Variants in UMAD1 observed in about 807,000 individuals in gnomAD.
UMAD1 encodes the protein UBAP1-MVB12-associated (UMA)-domain containing protein 1.
UMAD1 carries 8 observed loss-of-function variants against 6.1 expected under a neutral mutation model. The ratio of observed to expected loss-of-function variants is 1.30; its 90% CI spans 0.76 to 2.35. The LOEUF (loss-of-function observed/expected upper bound fraction) is 2.35, where lower values mean the gene tolerates loss of function less well. Among genes scored for constraint, UMAD1 ranks in the 30% most tolerant of loss-of-function variants. UMAD1 has a pLI of 0.00. For missense variants in UMAD1, 130 were observed against 78.4 expected (o/e 1.66, Z -2.49); for synonymous variants, 56 against 31.4 (o/e 1.78, Z -2.61).
At position 7,716,738 on chromosome 7, in the gene UMAD1, G is replaced by T. The variant is rs181357511; in HGVS notation, c.82+43285G>T. 5.2e-3 allele frequency among the ~76,000 whole-genome samples: 793 copies of T among 152,340 alleles called. 4 individuals are homozygous for T. Among genetic ancestry groups the T allele is most frequent in the African/African-American group, 0.018 (752 of 41,580 alleles). ...AGGCAGGCGGATCACGAGGTCAGGA[G>T]ATCGAGACCATCCTGGCTAACACGG... is the stretch of plus-strand genomic sequence containing the variant. On this transcript the variant is annotated intron_variant, in intron 2 of 3. Coordinates refer to ENST00000682710, the MANE Select transcript of UMAD1 (RefSeq NM_001302348.2).
At chr7:7,704,772 A>C (rs1218169818) in intron 2 of UMAD1, among the ~76,000 whole-genome samples, 1 of 147,958 alleles carries the variant, frequency 6.8e-6, no homozygotes, top group Non-Finnish European at 1.5e-5. Context: ...ATCTCAAAAA[A>C]AAAAAAAAAA....
intron 2 of UMAD1, among the ~76,000 whole-genome samples, chr7:7,682,137 A>G (rs1459523148): frequency 6.6e-6 from 1 of 152,178 alleles, no homozygotes; most frequent in East Asian, 1.9e-4. Flanking sequence ...CATGGTTTTC[A>G]GAATATGCAG....
At chr7:7,779,162 T>C (rs1782289896) in intron 2 of UMAD1, among the ~76,000 whole-genome samples, 1 of 152,210 alleles carries the variant, frequency 6.6e-6, no homozygotes, top group Non-Finnish European at 1.5e-5. Context: ...CTGAAGTATT[T>C]TGAAGTGAGA....
intron 2 of UMAD1, among the ~76,000 whole-genome samples, chr7:7,725,351 G>A (rs1250397916): frequency 6.6e-6 from 1 of 152,154 alleles, no homozygotes; most frequent in Admixed American, 6.5e-5. Context: ...AAGCTGCTTT[G>A]CCACTTGGGC....
chr7:7,779,077 G>A (rs1448607431), intron 2 of UMAD1, among the ~76,000 whole-genome samples: 1 of 152,050 alleles, frequency 6.6e-6, no homozygotes, highest in Admixed American at 6.6e-5. Context: ...TGGTAGAAAT[G>A]CTACTTGCCA....
intron 3 of UMAD1, among the ~76,000 whole-genome samples, chr7:7,820,281 T>C (rs1161889919): frequency 6.6e-6 from 1 of 152,204 alleles, no homozygotes; most frequent in Non-Finnish European, 1.5e-5. Context: ...CGTATTTAAC[T>C]TAATTACCTA....
At chr7:7,650,005 A>C (rs982605976) in intron 1 of UMAD1, among the ~76,000 whole-genome samples, 1 of 152,218 alleles carries the variant, frequency 6.6e-6, no homozygotes. Flanking sequence ...GTGAGAAGTA[A>C]ATTTCTGTTT....
intron 2 of UMAD1, among the ~76,000 whole-genome samples, chr7:7,701,829 C>T (rs1436812009): frequency 6.6e-6 from 1 of 152,152 alleles, no homozygotes; most frequent in Non-Finnish European, 1.5e-5. Context: ...ACTGTCTGCC[C>T]TCTGAGGATG....
rs558455310 is a variant in UMAD1, at chr7:7,641,704, C to G, written c.-64+883C>G. 21 of 152,132 alleles carry G rather than the reference C, an allele frequency of 1.4e-4. 1 individual carries two copies. Among genetic ancestry groups the G allele is most frequent in the Non-Finnish European group, 4.4e-5 (3 of 68,032 alleles). The allele number at this position is 152,132 out of a possible 1,614,324, so 9.4% of individuals were successfully genotyped here. On this transcript the variant is annotated intron_variant, in intron 1 of 3. Coordinates refer to ENST00000682710, the MANE Select transcript of UMAD1 (RefSeq NM_001302348.2). ...GAGTGCACATAAAAATACCTTCAAACGGTACGGTGGAAATTGGACAGAAGT... is the reference window on the plus strand; with the variant it reads ...GAGTGCACATAAAAATACCTTCAAAGGGTACGGTGGAAATTGGACAGAAGT...
chr7:7,792,705 T>C (rs1220810135), intron 2 of UMAD1, among the ~76,000 whole-genome samples: 1 of 152,204 alleles, frequency 6.6e-6, no homozygotes, highest in Non-Finnish European at 1.5e-5. Flanking sequence ...TCTTAGTTTG[T>C]TTGGACTGCT....
rs75883883 is a variant in UMAD1, at chr7:7,724,219, G to A, written c.82+50766G>A. 1.4e-4 allele frequency among the ~76,000 whole-genome samples: 22 copies of A among 152,130 alleles called. No individual in the cohort carries two copies. The East Asian group carries it at 3.1e-3, about 21-fold the overall frequency. On this transcript the variant is annotated intron_variant, in intron 2 of 3. Coordinates refer to ENST00000682710, the MANE Select transcript of UMAD1 (RefSeq NM_001302348.2). ...CATCATTTCCCTTTCTCCAATGCAC[G>A]GTTGATCTGAGGTGATGTTGATTCC...
At chr7:7,661,058 T>A (rs946097626) in intron 1 of UMAD1, among the ~76,000 whole-genome samples, 1 of 152,156 alleles carries the variant, frequency 6.6e-6, no homozygotes, top group Non-Finnish European at 1.5e-5. Context: ...TTTATTTCAT[T>A]AAGTTGATCT....
intron 3 of UMAD1, among the ~76,000 whole-genome samples, chr7:7,832,167 T>G (rs1783479764): frequency 6.6e-6 from 1 of 152,196 alleles, no homozygotes; most frequent in Non-Finnish European, 1.5e-5. Context: ...TTGAGAAAGA[T>G]TTTATGTTCT....
intron 2 of UMAD1, among the ~76,000 whole-genome samples, chr7:7,775,241 A>T (rs946092937): frequency 2.6e-5 from 4 of 152,206 alleles, no homozygotes; most frequent in African/African-American, 9.6e-5. Flanking sequence ...TAATACTGCA[A>T]TGAGATACTA....
intron 1 of UMAD1, among the ~76,000 whole-genome samples, chr7:7,667,454 C>A (rs959558887): frequency 1.6e-4 from 25 of 152,166 alleles, no homozygotes; most frequent in Admixed American, 1.3e-4. Flanking sequence ...CAGGTCCCTT[C>A]CACTTAAATT....
At position 7,710,591 on chromosome 7, in the gene UMAD1, T is replaced by C. The variant is rs531694593; in HGVS notation, c.82+37138T>C. 6.6e-5 allele frequency among the ~76,000 whole-genome samples: 10 copies of C among 152,304 alleles called. 1 individual carries two copies. Among genetic ancestry groups the C allele is most frequent in the African/African-American group, 2.4e-4 (10 of 41,582 alleles). On this transcript the variant is annotated intron_variant, in intron 2 of 3. Transcript: ENST00000682710. ...TAAGGATGAAGAGAATCTGGATCAC[T>C]TATTGATGATAGGAATGTAAAATGG... is the stretch of plus-strand genomic sequence containing the variant.
chr7:7,872,824 C>T (rs1784355494), intron 3 of UMAD1, among the ~76,000 whole-genome samples: 1 of 152,120 alleles, frequency 6.6e-6, no homozygotes, highest in Admixed American at 6.5e-5. Flanking sequence ...ACATTCTATA[C>T]ACAACCAAAA....
At chr7:7,855,777 A>C (rs6958422) in intron 3 of UMAD1, among the ~76,000 whole-genome samples, 104,874 of 152,114 alleles carry the variant, frequency 0.69, 36,886 homozygotes, top group Middle Eastern at 0.76. Context: ...ATGGGTTTTT[A>C]TTTTCTACTG....
chr7:7,649,175 AAAAAG>A (rs1554308884), intron 1 of UMAD1, among the ~76,000 whole-genome samples: 1 of 104,604 alleles, frequency 9.6e-6, no homozygotes, highest in Non-Finnish European at 1.8e-5. Flanking sequence ...AAAAAAAAAA[AAAAAG>A]AAAAGAAAAG....
Sources: gnomAD v4.1 joint callset for allele counts (sites outside exome capture counted in the v4.1 genomes callset) on GRCh38, gnomAD v4.1.1 for gene constraint, MANE v1.5 for transcripts, NCBI Gene and HGNC (gene_info 2026-07-23, HGNC 2026-07-21) for gene names.